Variants in RPTOR observed in about 807,000 individuals in gnomAD.
RPTOR encodes regulatory-associated protein of mTOR.
RPTOR carries 21 observed loss-of-function variants against 169.9 expected under a neutral mutation model. That is an observed-to-expected ratio of 0.12 (90% CI 0.09 to 0.18). The LOEUF is 0.18. RPTOR is among the 10% of genes least tolerant of loss of function. The pLI is 1.00. For missense variants in RPTOR, 1,133 were observed against 1,855.9 expected (o/e 0.61, Z 7.16); for synonymous variants, 732 against 753.2 (o/e 0.97, Z 0.46).
In RPTOR at chr17:80,940,578, A is replaced by G; in HGVS notation, c.3002A>G (p.Gln1001Arg). The change falls in exon 25 of 34, where the codon CAG becomes CGG. Residue 1001 changes from glutamine to arginine, a missense_variant. This residue lies in a region of RPTOR where 410 missense variants were observed against 623.7 expected (regional missense o/e 0.66). Coordinates refer to ENST00000306801, the MANE Select transcript of RPTOR (RefSeq NM_020761.3). ...CTGCGAAACAGCCGTGTCAGGAGGC[A>G]GGCCCAGCAAGTCATTCAGAAGGGT... ...RFLRNSRVRR[Q>R]AQQVIQKGIT... is the part of the protein sequence containing the mutation. The G allele has an allele frequency of 1.2e-6, 2 of 1,611,920 alleles. No homozygotes were observed. The highest frequency in any genetic ancestry group is 1.7e-6 in the Non-Finnish European group (2 of 1,179,180).
At chr17:80,620,839 T>A (rs2065349137) in intron 1 of RPTOR, among the ~76,000 whole-genome samples, 1 of 152,232 alleles carries the variant, frequency 6.6e-6, no homozygotes, top group Non-Finnish European at 1.5e-5. Context: ...GAGCAAGACG[T>A]ATTTTTTTTG....
At chr17:80,945,395 A>T (rs1171571427) in intron 25 of RPTOR, among the ~76,000 whole-genome samples, 1 of 152,148 alleles carries the variant, frequency 6.6e-6, no homozygotes, top group Non-Finnish European at 1.5e-5. Context: ...GATCAAGACC[A>T]TCCTGTCTAA....
At chr17:80,940,407 C>T (rs147965162) in intron 24 of RPTOR, 89 bp from the exon 25 acceptor site, 22 of 1,072,080 alleles carry the variant, frequency 2.1e-5, no homozygotes, top group Non-Finnish European at 2.7e-5. Flanking sequence ...TTTTGCTATC[C>T]GAGGGGTCCT....
chr17:80,893,307 G>T (rs2068351336), intron 19 of RPTOR, among the ~76,000 whole-genome samples: 1 of 147,166 alleles, frequency 6.8e-6, no homozygotes, highest in Non-Finnish European at 1.5e-5. Flanking sequence ...GGGTGTGTGT[G>T]TGCGCCAGGT....
intron 2 of RPTOR, among the ~76,000 whole-genome samples, chr17:80,630,057 C>G (rs529582096): frequency 1.5e-4 from 23 of 150,112 alleles, no homozygotes; most frequent in African/African-American, 5.6e-4. Flanking sequence ...GTTTCCATCT[C>G]TAGGGGAAAT....
Position 80,952,855 on chromosome 17 carries a change from C to CTT in RPTOR, c.3370+3334_3370+3335dup, listed in dbSNP as rs139746545. Among the ~76,000 whole-genome samples the CTT allele has an allele frequency of 5.3e-4, 52 of 98,076 alleles. 3 individuals carry two copies. The highest frequency in any genetic ancestry group is 1.4e-3 in the African/African-American group (28 of 20,098). The allele number at this position is 98,076 out of a possible 152,430, so 64.3% of individuals were successfully genotyped here. The stretch of plus-strand genomic sequence containing the variant: ...CTCTCCCTTCTCTTTTTCTTTTCTT[C>CTT]TTTTTTTTTTTTTTTTTTTTTTTTT... On this transcript the variant is annotated intron_variant, in intron 28 of 33. Transcript: ENST00000306801.
At chr17:80,586,599 G>GCCCT (rs1568320684) in intron 1 of RPTOR, among the ~76,000 whole-genome samples, 1 of 152,210 alleles carries the variant, frequency 6.6e-6, no homozygotes, top group Non-Finnish European at 1.5e-5. Context: ...GGGCATGGCA[G>GCCCT]CCCTCCCCTC....
At chr17:80,940,776 G>A (rs1249675255) in intron 25 of RPTOR, among the ~76,000 whole-genome samples, 175 bp downstream of exon 25, 1 of 152,232 alleles carries the variant, frequency 6.6e-6, no homozygotes, top group African/African-American at 2.4e-5. Flanking sequence ...ATCAAGGCTG[G>A]TGGAGATGAA....
chr17:80,831,807 CTG>C (rs1238839843), intron 9 of RPTOR, among the ~76,000 whole-genome samples: 1 of 151,080 alleles, frequency 6.6e-6, no homozygotes, highest in East Asian at 2.0e-4. Flanking sequence ...CCGTGTATCC[CTG>C]TGTGTCACCA....
chr17:80,693,850 C>T lies in RPTOR; in HGVS notation c.349-13991C>T, dbSNP rs538278601. Among the ~76,000 whole-genome samples the T allele has an allele frequency of 2.0e-5, 3 of 152,332 alleles. No homozygotes were observed. In the East Asian group the frequency reaches 5.8e-4, roughly 29 times the overall value. On this transcript the variant is annotated intron_variant, in intron 3 of 33. Coordinates refer to ENST00000306801, the MANE Select transcript of RPTOR (RefSeq NM_020761.3). ...GGATCAGGTGGGCACGGGCCTGGAA[C>T]AGGGTCCCTGAAACACCCAGCAAGA...
At position 80,716,380 on chromosome 17, in the gene RPTOR, T is replaced by G. The variant is rs552754501; in HGVS notation, c.507+8381T>G. 2.6e-5 allele frequency among the ~76,000 whole-genome samples: 4 copies of G among 152,308 alleles called. No individual in the cohort carries two copies. The East Asian group carries it at 7.7e-4, about 29-fold the overall frequency. On this transcript the variant is annotated intron_variant, in intron 4 of 33. Coordinates refer to ENST00000306801, the MANE Select transcript of RPTOR (RefSeq NM_020761.3). ...CCATTTGTATATCTTCTTCTGATAA[T>G]TGTCTATTCATGTCCTTAGCCCAAT...
rs550336304 is a variant in RPTOR at position 80,791,972 on chromosome 17, C to T, written c.890+463C>T. ...GGGCAAACTGATTTCAGAACCTGAG[C>T]GATGAAGTGACGGGATTTAGTCAGG... On this transcript the variant is annotated intron_variant, in intron 7 of 33. Coordinates refer to ENST00000306801, the MANE Select transcript of RPTOR (RefSeq NM_020761.3). Among the ~76,000 whole-genome samples the T allele has an allele frequency of 3.5e-4, 54 of 152,228 alleles. No homozygotes were observed. In the South Asian group the frequency reaches 9.4e-3, roughly 26 times the overall value.
At chr17:80,840,461 C>G (rs1409633172) in intron 10 of RPTOR, among the ~76,000 whole-genome samples, 1 of 131,170 alleles carries the variant, frequency 7.6e-6, no homozygotes, top group East Asian at 2.4e-4. Flanking sequence ...CTCTTTGCAC[C>G]GCAGCTCACG....
At chr17:80,873,397 G>A (rs955911151) in intron 13 of RPTOR, among the ~76,000 whole-genome samples, 1 of 152,054 alleles carries the variant, frequency 6.6e-6, no homozygotes, top group African/African-American at 2.4e-5. Flanking sequence ...TTTACTGAGC[G>A]CCTAATAGGA....
At chr17:80,701,311 C>T (rs974539647) in intron 3 of RPTOR, among the ~76,000 whole-genome samples, 2 of 152,216 alleles carry the variant, frequency 1.3e-5, no homozygotes, top group Admixed American at 6.5e-5. Flanking sequence ...TTTATTCTCA[C>T]GGAGACCATA....
At chr17:80,674,433 A>G (rs2065845456) in intron 3 of RPTOR, among the ~76,000 whole-genome samples, 1 of 152,188 alleles carries the variant, frequency 6.6e-6, no homozygotes, top group Non-Finnish European at 1.5e-5. Flanking sequence ...GAAAATATCT[A>G]GGTGACCCTG....
At position 80,855,359 on chromosome 17, in the gene RPTOR, G is replaced by T; in HGVS notation, c.1315-105G>T. ...GGTAACTGAAGCAGCAGACAGATCT[G>T]AACTGTGGTCAGACCGCTCCAAAGC... On this transcript the variant is annotated intron_variant, in intron 11 of 33. Transcript: ENST00000306801. The T allele has an allele frequency of 3.7e-6, 3 of 802,156 alleles. No individual in the cohort carries two copies. In the South Asian group the frequency reaches 4.5e-5, roughly 12 times the overall value. 49.7% of individuals were successfully genotyped at this position (802,156 alleles called of 1,614,324 possible).
chr17:80,551,759 G>A (rs1406529156), intron 1 of RPTOR, among the ~76,000 whole-genome samples: 7 of 152,090 alleles, frequency 4.6e-5, no homozygotes, highest in Non-Finnish European at 7.4e-5. Flanking sequence ...GACCCTTTAC[G>A]GGTGTCGGGC....
chr17:80,886,879 G>A (rs1046561810), intron 17 of RPTOR, among the ~76,000 whole-genome samples: 6 of 152,226 alleles, frequency 3.9e-5, no homozygotes, highest in East Asian at 3.8e-4. Flanking sequence ...CCGGGAGCAC[G>A]TGGTCTAATC....
Sources: allele counts gnomAD v4.1 joint callset (sites outside exome capture counted in the v4.1 genomes callset), GRCh38; gene constraint gnomAD v4.1.1; regional missense constraint gnomAD v4.1.1; transcripts MANE v1.5; gene names NCBI Gene and HGNC (gene_info 2026-07-23, HGNC 2026-07-21).